Variants in SLC44A5 observed in about 807,000 individuals in gnomAD.
SLC44A5 encodes the protein solute carrier family 44 member 5.
In SLC44A5, 57 loss-of-function variants were observed where a neutral mutation model predicts 101.8. The ratio of observed to expected loss-of-function variants is 0.56; its 90% CI spans 0.45 to 0.70. The LOEUF (loss-of-function observed/expected upper bound fraction) is 0.70, where lower values mean the gene tolerates loss of function less well. Ranked by LOEUF, SLC44A5 falls within the 30% of genes least tolerant of loss-of-function variation. The pLI is 0.00. For missense variants in SLC44A5, 737 were observed against 853.1 expected, an observed-to-expected ratio of 0.86 and a Z score of 1.70; for synonymous variants, 281 against 290.9, an observed-to-expected ratio of 0.97 and a Z score of 0.35.
At chr1:75,385,351 C>G (rs4949847) in intron 3 of SLC44A5, among the ~76,000 whole-genome samples, 1 of 146,056 alleles carries the variant, frequency 6.8e-6, no homozygotes, top group African/African-American at 2.6e-5. Context: ...ATCAAATAGA[C>G]ACAATAAAAA....
chr1:75,594,295 A>C (rs1447789521), intron 1 of SLC44A5, among the ~76,000 whole-genome samples: 2 of 152,034 alleles, frequency 1.3e-5, no homozygotes, highest in Non-Finnish European at 2.9e-5. Flanking sequence ...TCAGCTTTTG[A>C]AAAATCCCAA....
chr1:75,651,811 C>A, the SLC44A5 span, among the ~76,000 whole-genome samples: 2 of 151,978 alleles, frequency 1.3e-5, no homozygotes, highest in Non-Finnish European at 2.9e-5. Flanking sequence ...GATAGGCAGA[C>A]CTGAGCAGGG....
intron 22 of SLC44A5, among the ~76,000 whole-genome samples, 175 bp downstream of exon 22, chr1:75,213,530 G>A (rs978907786): frequency 1.8e-4 from 28 of 152,234 alleles, no homozygotes; most frequent in Non-Finnish European, 4.1e-4. Context: ...ATACAGGAGG[G>A]TGTCTCTCTG....
the SLC44A5 span, among the ~76,000 whole-genome samples, chr1:75,692,714 C>T: frequency 1.2e-4 from 18 of 151,980 alleles, no homozygotes; most frequent in African/African-American, 3.1e-4. Context: ...ATGGGAAAAA[C>T]GAGAGAAGGG....
At chr1:75,630,827 C>T in the SLC44A5 span, among the ~76,000 whole-genome samples, 1 of 152,132 alleles carries the variant, frequency 6.6e-6, no homozygotes, top group Non-Finnish European at 1.5e-5. Flanking sequence ...TTGGCAACTG[C>T]CCAATTTTCC....
At chr1:75,444,473 G>A (rs1360321813) in intron 2 of SLC44A5, among the ~76,000 whole-genome samples, 12 of 95,402 alleles carry the variant, frequency 1.3e-4, no homozygotes, top group African/African-American at 4.0e-4. Context: ...AAAAAAGAAA[G>A]AGAAAGAAAG....
chr1:75,492,549 G>A (rs766512404), intron 2 of SLC44A5, among the ~76,000 whole-genome samples: 7 of 152,076 alleles, frequency 4.6e-5, no homozygotes, highest in Non-Finnish European at 1.0e-4. Flanking sequence ...TAATAAGGAA[G>A]ATATACACTG....
the SLC44A5 span, among the ~76,000 whole-genome samples, chr1:75,639,178 A>T: frequency 6.6e-6 from 1 of 152,108 alleles, no homozygotes; most frequent in South Asian, 2.1e-4. Flanking sequence ...TATTCTTGAA[A>T]AATGCTAAGA....
chr1:75,716,245 C>T, the SLC44A5 span, among the ~76,000 whole-genome samples: 5 of 152,112 alleles, frequency 3.3e-5, no homozygotes, highest in South Asian at 1.0e-3. Flanking sequence ...TTTGGGAGGC[C>T]GAGGTGGAGG....
At chr1:75,514,092 T>C (rs1669702870) in intron 2 of SLC44A5, among the ~76,000 whole-genome samples, 1 of 152,116 alleles carries the variant, frequency 6.6e-6, no homozygotes, top group South Asian at 2.1e-4. Context: ...CAATTCGCCC[T>C]CTTCATCCTC....
At chr1:75,218,846 C>A in intron 16 of SLC44A5, 94 bp from the exon 17 acceptor site, 2 of 1,132,102 alleles carry the variant, frequency 1.8e-6, no homozygotes, top group South Asian at 1.6e-5. Context: ...AATTGCATAT[C>A]CTGTTGTTTC....
At chr1:75,654,753 A>G in the SLC44A5 span, among the ~76,000 whole-genome samples, 1 of 152,178 alleles carries the variant, frequency 6.6e-6, no homozygotes, top group African/African-American at 2.4e-5. Context: ...AATAAAGACT[A>G]CATCAGCATA....
At chr1:75,429,715 A>G (rs1424936300) in intron 2 of SLC44A5, among the ~76,000 whole-genome samples, 1 of 152,100 alleles carries the variant, frequency 6.6e-6, no homozygotes, top group East Asian at 1.9e-4. Context: ...AGAGAGAGTG[A>G]GAGATCAAGC....
chr1:75,703,688 C>G, the SLC44A5 span, among the ~76,000 whole-genome samples: 1 of 151,488 alleles, frequency 6.6e-6, no homozygotes, highest in Non-Finnish European at 1.5e-5. Flanking sequence ...TCTGAAAATG[C>G]ACTCCTCAGA....
At chr1:75,612,462 A>C (rs1015390428), upstream of SLC44A5, among the ~76,000 whole-genome samples, 3 of 152,186 alleles carry the variant, frequency 2.0e-5, no homozygotes, top group South Asian at 6.2e-4. Context: ...AGTTCTTGGC[A>C]TGCAAATTAC....
chr1:75,537,034 A>AAAAAAAAAAATATATATATATG (rs1553199990), intron 2 of SLC44A5, among the ~76,000 whole-genome samples: 1 of 18,660 alleles, frequency 5.4e-5, no homozygotes, highest in African/African-American at 1.0e-4. Flanking sequence ...AAAAAAAAAA[A>AAAAAAAAAAATATATATATATG]TATATATCTA....
At chr1:75,291,609 G>C (rs912738464) in intron 5 of SLC44A5, among the ~76,000 whole-genome samples, 5 of 152,088 alleles carry the variant, frequency 3.3e-5, no homozygotes, top group Non-Finnish European at 7.4e-5. Flanking sequence ...AAAACGAATA[G>C]AGGCCCAAAA....
At chr1:75,629,073 A>G in the SLC44A5 span, among the ~76,000 whole-genome samples, 1 of 152,198 alleles carries the variant, frequency 6.6e-6, no homozygotes, top group African/African-American at 2.4e-5. Context: ...CCAACAATAA[A>G]TAGTGATATA....
At chr1:75,620,151 A>G in the SLC44A5 span, among the ~76,000 whole-genome samples, 1 of 152,122 alleles carries the variant, frequency 6.6e-6, no homozygotes, top group African/African-American at 2.4e-5. Flanking sequence ...GTCCCTCCAA[A>G]GGATATGAAC....
Sources: allele counts gnomAD v4.1 joint callset (sites outside exome capture counted in the v4.1 genomes callset), GRCh38; gene constraint gnomAD v4.1.1; transcripts MANE v1.5; gene names NCBI Gene and HGNC (gene_info 2026-07-23, HGNC 2026-07-21).